EP300: variants seen among roughly 807,000 people sequenced by gnomAD.
The protein encoded by EP300 is EP300 lysine acetyltransferase.
EP300 carries 31 observed loss-of-function variants against 264.0 expected under a neutral mutation model. The ratio of observed to expected loss-of-function variants is 0.12; its 90% CI spans 0.09 to 0.16. EP300 has a LOEUF of 0.16. Ranked by LOEUF, EP300 falls within the 10% of genes least tolerant of loss-of-function variation. The pLI, the probability that EP300 is intolerant of heterozygous loss-of-function variation, is 1.00. For synonymous variants in EP300, 1,340 were observed against 1,045.4 expected (o/e 1.28, Z -5.44); for missense variants, 2,766 against 3,052.9 (o/e 0.91, Z 2.21).
At chr22:41,130,150 C>T (rs2058909447) in intron 5 of EP300, 147 bp downstream of exon 5, 1 of 663,994 alleles carries the variant, frequency 1.5e-6, no homozygotes, top group Non-Finnish European at 2.6e-6. Flanking sequence ...TTTCTGCTTC[C>T]CTAGTGCATA....
At position 41,111,876 on chromosome 22, in the gene EP300, C is replaced by CTTTTTT. The variant is rs71200661; in HGVS notation, c.95-5287_95-5282dup. The stretch of plus-strand genomic sequence containing the variant: ...TTTTTTCTTTTTTAGAACTTGTAAC[C>CTTTTTT]TTTTTTTTTTTTTTTTTTTTTTTTT... On this transcript the variant is annotated intron_variant, in intron 1 of 30. Coordinates refer to ENST00000263253, the MANE Select transcript of EP300 (RefSeq NM_001429.4). Among the ~76,000 whole-genome samples the CTTTTTT allele has an allele frequency of 1.3e-4, 7 of 54,706 alleles. 1 individual carries two copies. The East Asian group carries it at 4.2e-3, about 33-fold the overall frequency. 35.9% of individuals were successfully genotyped at this position (54,706 alleles called of 152,430 possible).
intron 30 of EP300, 90 bp from the exon 31 acceptor site, chr22:41,176,683 A>G (rs1380408202): frequency 1.2e-6 from 2 of 1,612,418 alleles, no homozygotes; most frequent in Non-Finnish European, 1.7e-6. Flanking sequence ...GTTCTACGAA[A>G]GGGGCTTTTC....
chr22:41,178,410 G>C lies in EP300; in HGVS notation c.6699G>C (p.Gln2233His). Residue 2233 changes from glutamine to histidine, a missense_variant, in exon 31 of 31, where the codon CAG (glutamine) becomes CAC (histidine). Coordinates refer to ENST00000263253, the MANE Select transcript of EP300 (RefSeq NM_001429.4). ...AGCGGATGCAGCATCACATGCAACAGATGCAACAAGGAAATATGGGACAGA... is the reference window on the plus strand; with the variant it reads ...AGCGGATGCAGCATCACATGCAACACATGCAACAAGGAAATATGGGACAGA... ...QQQRMQHHMQ[Q>H]MQQGNMGQIG... 1 of 1,614,156 alleles carries C rather than the reference G, an allele frequency of 6.2e-7. No homozygotes were observed. The highest frequency in any genetic ancestry group is 8.5e-7 in the Non-Finnish European group (1 of 1,180,032).
intron 18 of EP300, 89 bp downstream of exon 18, chr22:41,157,497 C>A: frequency 5.7e-5 from 47 of 830,638 alleles, no homozygotes; most frequent in Middle Eastern, 3.1e-4. Flanking sequence ...TATCCTGCTT[C>A]TGGCTTTGAC....
chr22:41,151,738 C>A, intron 14 of EP300, 95 bp from the exon 15 acceptor site: 2 of 1,274,344 alleles, frequency 1.6e-6, no homozygotes, highest in Non-Finnish European at 2.3e-6. Context: ...AAATAGGTGG[C>A]TAATTCTGCT....
chr22:41,167,584 GTATATATA>G (rs56131556), intron 23 of EP300, among the ~76,000 whole-genome samples: 554 of 33,712 alleles, frequency 0.016, 2 homozygotes, highest in East Asian at 0.037. Context: ...GTGTGTGTGT[GTATATATA>G]TATATATATA....
At position 41,150,105 on chromosome 22, in the gene EP300, C is replaced by G; in HGVS notation, c.2724C>G (p.Asp908Glu). ...CACTTCCTGCTGCACCTTCTGCTGA[C>G]CAGCCCCAGCAGCAGCCTCGCTCAC... ...QPSLPAAPSA[D>E]QPQQQPRSQQ... Residue 908 changes from aspartate (D) to glutamate (E), a missense_variant, in exon 14 of 31, where the codon GAC becomes GAG. By Grantham distance (45) the Asp-to-Glu change is conservative. Transcript: ENST00000263253. 6.2e-7 allele frequency: 1 copy of G among 1,613,454 alleles called. No homozygotes were observed. Among genetic ancestry groups the G allele is most frequent in the South Asian group, 1.1e-5 (1 of 91,082 alleles).
At chr22:41,134,932 A>T (rs951139920) in intron 6 of EP300, among the ~76,000 whole-genome samples, 2 of 143,648 alleles carry the variant, frequency 1.4e-5, no homozygotes, top group Non-Finnish European at 2.9e-5. Flanking sequence ...TTTTGAGACA[A>T]CATCTCACTC....
In EP300 at chr22:41,179,733, G is replaced by A. The variant is rs891836937; in HGVS notation, c.*777G>A. The A allele has an allele frequency of 4.4e-5, 10 of 229,672 alleles. No individual in the cohort carries two copies. Among genetic ancestry groups the A allele is most frequent in the African/African-American group, 2.2e-4 (10 of 44,958 alleles). The allele number at this position is 229,672 out of a possible 1,614,324, so 14.2% of individuals were successfully genotyped here. On this transcript the variant is annotated 3_prime_UTR_variant, in exon 31 of 31. Coordinates refer to ENST00000263253, the MANE Select transcript of EP300 (RefSeq NM_001429.4). ...ATATTGTGGTTTCTGTTTCTTGAAA[G>A]AATTTTTTTCGTTATTTTTACATCT...
At chr22:41,122,666 CA>C (rs1415797028) in intron 2 of EP300, among the ~76,000 whole-genome samples, 2 of 151,166 alleles carry the variant, frequency 1.3e-5, no homozygotes, top group Non-Finnish European at 2.9e-5. Context: ...GATTAATTTA[CA>C]TTTTTTTGTT....
chr22:41,163,947 T>G (rs1430328294), intron 21 of EP300, 106 bp from the exon 22 acceptor site: 2 of 1,028,130 alleles, frequency 1.9e-6, no homozygotes, highest in African/African-American at 3.1e-5. Flanking sequence ...TTTTCAGTTC[T>G]TTGGTCATGA....
chr22:41,128,260 G>T (rs1356016140), intron 4 of EP300, among the ~76,000 whole-genome samples: 2 of 152,140 alleles, frequency 1.3e-5, no homozygotes, highest in African/African-American at 4.8e-5. Flanking sequence ...TTCAAGACCA[G>T]CCTGGGCAAT....
In EP300 at chr22:41,155,080, T is replaced by G. The variant is rs762610158; in HGVS notation, c.3228T>G (p.Arg1076=). The G allele has an allele frequency of 6.2e-7, 1 of 1,614,084 alleles. No homozygotes were observed. The highest frequency in any genetic ancestry group is 1.1e-5 in the South Asian group (1 of 91,080). ...YRQDPESLPF[R]QPVDPQLLGI... is the part of the protein sequence containing the mutation. ...AGGATCCAGAATCCCTTCCCTTTCG[T>G]CAACCTGTGGACCCTCAGCTTTTAG... The change falls in exon 17 of 31, where the codon CGT becomes CGG. Residue 1076 remains arginine, a synonymous_variant. Coordinates refer to ENST00000263253, the MANE Select transcript of EP300 (RefSeq NM_001429.4).
In EP300 at chr22:41,157,079, C is replaced by T. The variant is rs376673473; in HGVS notation, c.3262-90C>T. 113 of 1,545,018 alleles carry T rather than the reference C, an allele frequency of 7.3e-5. No homozygotes were observed. The East Asian group carries it at 1.7e-3, about 23-fold the overall frequency. ...GACAGGCCAGAAACTAAAACACTGC[C>T]TGGAAAATTAACAATGATAATGGAT... On this transcript the variant is annotated intron_variant, in intron 17 of 30. Transcript: ENST00000263253.
intron 27 of EP300, among the ~76,000 whole-genome samples, chr22:41,172,280 G>T (rs1022179457): frequency 6.6e-6 from 1 of 152,106 alleles, no homozygotes; most frequent in Non-Finnish European, 1.5e-5. Flanking sequence ...CTGTTTTTGT[G>T]GGTAGAAGAA....
intron 16 of EP300, among the ~76,000 whole-genome samples, chr22:41,152,628 G>C (rs1351564977): frequency 1.3e-5 from 2 of 151,972 alleles, no homozygotes; most frequent in African/African-American, 4.8e-5. Flanking sequence ...TTTTTCAGGA[G>C]AGAGAAATGT....
intron 1 of EP300, among the ~76,000 whole-genome samples, chr22:41,094,063 T>A (rs1569078131): frequency 6.6e-6 from 1 of 152,228 alleles, no homozygotes; most frequent in African/African-American, 2.4e-5. Context: ...GACTAGCTCC[T>A]TTGTCAGGAG....
At chr22:41,166,383 A>G (rs2059134602) in intron 22 of EP300, among the ~76,000 whole-genome samples, 1 of 152,172 alleles carries the variant, frequency 6.6e-6, no homozygotes, top group Admixed American at 6.5e-5. Flanking sequence ...ACCAATTTAT[A>G]TGCCCTTCAT....
intron 1 of EP300, among the ~76,000 whole-genome samples, chr22:41,105,257 A>G (rs1273922003): frequency 6.8e-6 from 1 of 146,172 alleles, no homozygotes; most frequent in Admixed American, 6.9e-5. Context: ...AGTCCCAGCT[A>G]CTCGGGAGGC....
Sources: allele counts gnomAD v4.1 joint callset (sites outside exome capture counted in the v4.1 genomes callset), GRCh38; gene constraint gnomAD v4.1.1; transcripts MANE v1.5; gene names NCBI Gene and HGNC (gene_info 2026-07-23, HGNC 2026-07-21).